The following LRRC37A variants were observed in gnomAD, a reference collection of about 807,000 sequenced individuals.
LRRC37A encodes the protein leucine-rich repeat-containing protein 37A.
Under a neutral mutation model 35.4 loss-of-function variants are expected in LRRC37A, and 3 were observed. The ratio of observed to expected loss-of-function variants is 0.08; its 90% CI spans 0.04 to 0.22. The LOEUF (loss-of-function observed/expected upper bound fraction) is 0.22, where lower values mean the gene tolerates loss of function less well. Ranked by LOEUF, LRRC37A falls within the 10% of genes least tolerant of loss-of-function variation. The pLI is 1.00. For synonymous variants in LRRC37A, 23 were observed against 215.0 expected, an observed-to-expected ratio of 0.11 and a Z score of 7.81; for missense variants, 67 against 565.3, an observed-to-expected ratio of 0.12 and a Z score of 8.94.
At chr17:46,269,288 CT>C in the LRRC37A span, among the ~76,000 whole-genome samples, 1 of 152,222 alleles carries the variant, frequency 6.6e-6, no homozygotes, top group African/African-American at 2.4e-5. Context: ...AATCCCAGCA[CT>C]TTGAGAGGCC....
chr17:46,287,697 G>A, the LRRC37A span, among the ~76,000 whole-genome samples: 29 of 152,254 alleles, frequency 1.9e-4, no homozygotes, highest in African/African-American at 7.0e-4. Flanking sequence ...AACGGGTAGG[G>A]AACGTGGAAG....
chr17:46,260,913 G>A, the LRRC37A span, among the ~76,000 whole-genome samples: 1 of 151,694 alleles, frequency 6.6e-6, no homozygotes, highest in Non-Finnish European at 1.5e-5. Context: ...ATGAGCCACC[G>A]TGCCCCGTCT....
chr17:46,258,710 T>G, the LRRC37A span, among the ~76,000 whole-genome samples: 235 of 100,414 alleles, frequency 2.3e-3, no homozygotes, highest in Non-Finnish European at 3.0e-3. Flanking sequence ...TATTATTCTT[T>G]TTTTTTTTTT....
chr17:46,254,645 G>A, the LRRC37A span, among the ~76,000 whole-genome samples: 1 of 151,396 alleles, frequency 6.6e-6, no homozygotes, highest in African/African-American at 2.4e-5. Flanking sequence ...GGGTTGAAGC[G>A]ATTCTCCTGT....
chr17:46,271,518 G>A, the LRRC37A span, among the ~76,000 whole-genome samples: 2 of 152,034 alleles, frequency 1.3e-5, no homozygotes. Flanking sequence ...AGTGAAAGCT[G>A]TAATAACCAT....
chr17:46,260,620 C>A, the LRRC37A span: 14 of 1,076,414 alleles, frequency 1.3e-5, no homozygotes, highest in African/African-American at 4.4e-5. Flanking sequence ...TCTCTATTCT[C>A]TTTTTTTTTT....
At chr17:46,316,668 T>C (rs2051138023) in intron 5 of LRRC37A, among the ~76,000 whole-genome samples, 1 of 62,632 alleles carries the variant, frequency 1.6e-5, no homozygotes, top group African/African-American at 4.2e-5. Flanking sequence ...CAGAGGGGGA[T>C]TTGGCAGGGT....
the LRRC37A span, among the ~76,000 whole-genome samples, chr17:46,252,611 A>G: frequency 6.7e-6 from 1 of 149,484 alleles, no homozygotes; most frequent in East Asian, 1.9e-4. Flanking sequence ...TCTGTTTAAC[A>G]AAGCACATCT....
chr17:46,255,155 A>G, the LRRC37A span, among the ~76,000 whole-genome samples: 2 of 151,830 alleles, frequency 1.3e-5, no homozygotes, highest in Non-Finnish European at 2.9e-5. Flanking sequence ...TAATTTTTAC[A>G]CTATGGGCAA....
At chr17:46,275,741 G>T in the LRRC37A span, among the ~76,000 whole-genome samples, 3 of 152,210 alleles carry the variant, frequency 2.0e-5, no homozygotes, top group South Asian at 2.1e-4. Flanking sequence ...GTGGTGAAAG[G>T]TGCGTGTGTG....
At chr17:46,325,811 G>A (rs1265197435) in intron 7 of LRRC37A, among the ~76,000 whole-genome samples, 1 of 75,902 alleles carries the variant, frequency 1.3e-5, no homozygotes, top group African/African-American at 3.2e-5. Flanking sequence ...AAAATGTATA[G>A]ACATACACAC....
chr17:46,272,659 C>T, the LRRC37A span, among the ~76,000 whole-genome samples: 297 of 152,216 alleles, frequency 2.0e-3, no homozygotes, highest in Non-Finnish European at 3.5e-3. Context: ...AGGTGATCCC[C>T]CCTGCCTCGG....
Position 46,332,578 on chromosome 17 carries a change from C to T in LRRC37A, c.4731C>T (p.Gly1577=), listed in dbSNP as rs766283350. The change falls in exon 10 of 14, where the codon GGC becomes GGT. Residue 1577 remains glycine, a synonymous_variant. Coordinates refer to ENST00000320254, the Ensembl canonical transcript of LRRC37A. ...TCAAAAAAGAAGTTCCAGGATATGG[C>T]TATACTGACAAACTCATCTTGGCAT... 5.1e-6 allele frequency: 7 copies of T among 1,369,098 alleles called. No individual in the cohort carries two copies. The South Asian group carries it at 8.5e-5, about 17-fold the overall frequency. 84.8% of individuals were successfully genotyped at this position (1,369,098 alleles called of 1,614,324 possible). A position where few individuals can be genotyped will look rare whatever the true frequency, so the allele number is the denominator to read the frequency against.
chr17:46,255,850 T>C, the LRRC37A span, among the ~76,000 whole-genome samples: 2 of 151,760 alleles, frequency 1.3e-5, no homozygotes, highest in Non-Finnish European at 2.9e-5. Context: ...TAATTTTTTG[T>C]ATTTTTAGTG....
the LRRC37A span, among the ~76,000 whole-genome samples, chr17:46,252,575 C>T: frequency 1.3e-5 from 2 of 149,230 alleles, no homozygotes; most frequent in Admixed American, 6.8e-5. Flanking sequence ...GGTGATGACT[C>T]TTAAGGAGCA....
upstream of LRRC37A, among the ~76,000 whole-genome samples, chr17:46,290,649 G>T (rs1415484632): frequency 6.6e-6 from 1 of 152,204 alleles, no homozygotes; most frequent in East Asian, 1.9e-4. Flanking sequence ...GTTTCGCCCT[G>T]TTAGCCAGGC....
At chr17:46,286,041 A>G in the LRRC37A span, among the ~76,000 whole-genome samples, 3 of 152,362 alleles carry the variant, frequency 2.0e-5, no homozygotes, top group African/African-American at 7.2e-5. Context: ...CAAGATGCCA[A>G]TGCAGCACCC....
At chr17:46,258,707 C>CTTTTTT in the LRRC37A span, among the ~76,000 whole-genome samples, 29 of 81,118 alleles carry the variant, frequency 3.6e-4, no homozygotes, top group Non-Finnish European at 4.5e-4. Flanking sequence ...GACTATTATT[C>CTTTTTT]TTTTTTTTTT....
chr17:46,267,166 C>T, the LRRC37A span: 11 of 564,588 alleles, frequency 1.9e-5, no homozygotes, highest in Non-Finnish European at 3.0e-5. Flanking sequence ...AGCCCGGCCG[C>T]CGCGCCGCCG....
Sources: allele counts gnomAD v4.1 joint callset (sites outside exome capture counted in the v4.1 genomes callset), GRCh38; gene constraint gnomAD v4.1.1; transcripts MANE v1.5; gene names NCBI Gene and HGNC (gene_info 2026-07-23, HGNC 2026-07-21).